SMOC1: variants seen among roughly 807,000 people sequenced by gnomAD.
SMOC1 encodes the protein SPARC-related modular calcium-binding protein 1.
SMOC1 carries 22 observed loss-of-function variants against 56.3 expected under a neutral mutation model. The observed-to-expected ratio is 0.39, with a 90% CI of 0.28 to 0.56. The LOEUF is 0.56. Ranked by LOEUF, SMOC1 falls within the 20% of genes least tolerant of loss-of-function variation. SMOC1 has a pLI of 0.61. For synonymous variants in SMOC1, 193 were observed against 215.0 expected (o/e 0.90, Z 0.89); for missense variants, 509 against 565.4 (o/e 0.90, Z 1.01).
rs1014276330 is a variant in SMOC1 at position 70,011,341 on chromosome 14, T to G, written c.858-144T>G. ...ATTGATGCTAAGATTGCCTTGTAGCTGCCGGGCAGCGCAAGAGATATCGTT... is the reference window on the plus strand; with the variant it reads ...ATTGATGCTAAGATTGCCTTGTAGCGGCCGGGCAGCGCAAGAGATATCGTT... On this transcript the variant is annotated intron_variant, in intron 8 of 11. Coordinates refer to ENST00000361956, the MANE Select transcript of SMOC1 (RefSeq NM_001034852.3). The G allele has an allele frequency of 2.9e-5, 22 of 761,382 alleles. No homozygotes were observed. The African/African-American group carries it at 3.6e-4, about 12-fold the overall frequency. The allele number at this position is 761,382 out of a possible 1,614,324, so 47.2% of individuals were successfully genotyped here.
chr14:70,006,169 G>A (rs1004120078), intron 7 of SMOC1, among the ~76,000 whole-genome samples: 2 of 152,292 alleles, frequency 1.3e-5, no homozygotes, highest in Non-Finnish European at 2.9e-5. Flanking sequence ...TTTTGGGTCC[G>A]CCACTTCCTA....
chr14:70,026,239 T>C lies in SMOC1; in HGVS notation c.1291+2792T>C, dbSNP rs138663821. Among the ~76,000 whole-genome samples the C allele has an allele frequency of 2.4e-4, 37 of 152,316 alleles. No homozygotes were observed. The East Asian group carries it at 6.9e-3, about 29-fold the overall frequency. ...TCGGGAAGAGACCATCCAGTGTCAATGTAGACCCCAGGCATACCAGGGGCA... is the reference window on the plus strand; with the variant it reads ...TCGGGAAGAGACCATCCAGTGTCAACGTAGACCCCAGGCATACCAGGGGCA... On this transcript the variant is annotated intron_variant, in intron 11 of 11. Coordinates refer to ENST00000361956, the MANE Select transcript of SMOC1 (RefSeq NM_001034852.3).
intron 1 of SMOC1, chr14:69,885,664 G>A (rs938353648): frequency 1.5e-5 from 21 of 1,447,780 alleles, no homozygotes; most frequent in South Asian, 3.5e-5. Context: ...GATCCATGTC[G>A]TGTGAAATCA....
At position 69,898,132 on chromosome 14, in the gene SMOC1, G is replaced by C. The variant is rs114888759; in HGVS notation, c.99+18355G>C. The stretch of plus-strand genomic sequence containing the variant: ...TATTCTTCCTTGCATGGTTTCTGAG[G>C]ATAAGTTGGATATAATTCTTATCTT... On this transcript the variant is annotated intron_variant, in intron 1 of 11. Transcript: ENST00000361956. Among the ~76,000 whole-genome samples, 748 of 152,270 alleles carry C rather than the reference G, an allele frequency of 4.9e-3. 7 individuals carry two copies. Among genetic ancestry groups the C allele is most frequent in the African/African-American group, 0.016 (674 of 41,580 alleles).
intron 1 of SMOC1, among the ~76,000 whole-genome samples, chr14:69,898,554 C>A (rs908728332): frequency 1.3e-5 from 2 of 152,034 alleles, no homozygotes; most frequent in African/African-American, 4.8e-5. Flanking sequence ...TTTCCTCTGC[C>A]ATGTCCAGTC....
At chr14:69,989,407 T>C (rs1224849231) in intron 5 of SMOC1, among the ~76,000 whole-genome samples, 1 of 152,262 alleles carries the variant, frequency 6.6e-6, no homozygotes, top group Non-Finnish European at 1.5e-5. Flanking sequence ...TTGTAAGGTT[T>C]ACCTTATTTT....
At chr14:70,009,073 C>T (rs1302070188) in intron 7 of SMOC1, among the ~76,000 whole-genome samples, 2 of 152,230 alleles carry the variant, frequency 1.3e-5, no homozygotes, top group Admixed American at 6.5e-5. Flanking sequence ...CTGTTTTAAA[C>T]TCCTCTTCCT....
At chr14:70,018,874 C>A (rs1885612939) in intron 10 of SMOC1, among the ~76,000 whole-genome samples, 1 of 152,220 alleles carries the variant, frequency 6.6e-6, no homozygotes, top group Non-Finnish European at 1.5e-5. Flanking sequence ...TGGCATTTCC[C>A]AGCCGCACCC....
intron 1 of SMOC1, among the ~76,000 whole-genome samples, chr14:69,931,062 A>T (rs2139391697): frequency 6.6e-6 from 1 of 152,216 alleles, no homozygotes; most frequent in South Asian, 2.1e-4. Flanking sequence ...GCAGCTGAAA[A>T]CATCAGTTTT....
At chr14:70,028,514 G>A (rs190797978) in intron 11 of SMOC1, among the ~76,000 whole-genome samples, 45 of 152,294 alleles carry the variant, frequency 3.0e-4, no homozygotes, top group Admixed American at 1.0e-3. Context: ...AAATAAAGTC[G>A]CTCTGAGGAT....
At chr14:69,925,314 T>G (rs1884981877) in intron 1 of SMOC1, among the ~76,000 whole-genome samples, 1 of 151,666 alleles carries the variant, frequency 6.6e-6, no homozygotes, top group Admixed American at 6.6e-5. Flanking sequence ...AAGATGTGAC[T>G]CTCACATGTG....
At chr14:69,991,029 A>G (rs984548092) in intron 5 of SMOC1, among the ~76,000 whole-genome samples, 8 of 152,176 alleles carry the variant, frequency 5.3e-5, no homozygotes, top group East Asian at 3.9e-4. Flanking sequence ...CCCTCCCCCA[A>G]TAAGATGCAC....
intron 3 of SMOC1, among the ~76,000 whole-genome samples, chr14:69,974,335 G>A (rs1443996991): frequency 6.6e-6 from 1 of 152,102 alleles, no homozygotes; most frequent in Non-Finnish European, 1.5e-5. Flanking sequence ...AGGAGGAGGG[G>A]AATACGAGGG....
In SMOC1 at chr14:69,953,545, A is replaced by G. The variant is rs374343145; in HGVS notation, c.378+13A>G. 1.2e-6 allele frequency: 2 copies of G among 1,607,954 alleles called. No individual in the cohort carries two copies. The highest frequency in any genetic ancestry group is 8.5e-7 in the Non-Finnish European group (1 of 1,174,484). ...CTCCTTTACCCAGGTGAGGCCTCGGACAATCCTCTTGGGCTCTTTCCTGGA... is the reference window on the plus strand; with the variant it reads ...CTCCTTTACCCAGGTGAGGCCTCGGGCAATCCTCTTGGGCTCTTTCCTGGA... On this transcript the variant is annotated intron_variant, in intron 3 of 11. Transcript: ENST00000361956.
chr14:69,992,697 C>A (rs146909851), intron 6 of SMOC1, among the ~76,000 whole-genome samples: 1 of 152,224 alleles, frequency 6.6e-6, no homozygotes, highest in Admixed American at 6.5e-5. Context: ...TTCTCTCAGG[C>A]TTCCTGCCTG....
At position 70,013,448 on chromosome 14, in the gene SMOC1, A is replaced by G. The variant is rs765158814; in HGVS notation, c.1003A>G (p.Met335Val). Residue 335 changes from methionine (M) to valine (V), a missense_variant, in exon 10 of 12, where the codon ATG becomes GTG. By Grantham distance (21) the Met-to-Val change is conservative (BLOSUM62 1). Transcript: ENST00000361956. The part of the protein sequence containing the change: ...TSLLDALTTD[M>V]VQAINSAAPT... ...CCTACTGGATGCTCTCACCACTGAC[A>G]TGGTTCAGGCCATTAACTCAGCAGC... is the stretch of plus-strand genomic sequence containing the variant. The G allele has an allele frequency of 5.0e-6, 8 of 1,614,088 alleles. No individual in the cohort carries two copies. The highest frequency in any genetic ancestry group is 5.9e-6 in the Non-Finnish European group (7 of 1,180,044).
Position 69,932,586 on chromosome 14 carries a change from C to G in SMOC1, c.100-19552C>G, listed in dbSNP as rs191305605. ...ATACAGGTGCAGCCCTCTCCTCCGG[C>G]TCTCAAAGGCCGGATTAGGCACATT... is the stretch of plus-strand genomic sequence containing the variant. On this transcript the variant is annotated intron_variant, in intron 1 of 11. Transcript: ENST00000361956. 3.9e-5 allele frequency among the ~76,000 whole-genome samples: 6 copies of G among 152,352 alleles called. No homozygotes were observed. The East Asian group carries it at 1.2e-3, about 29-fold the overall frequency.
At chr14:69,981,133 G>A (rs975035154) in intron 5 of SMOC1, among the ~76,000 whole-genome samples, 1 of 151,994 alleles carries the variant, frequency 6.6e-6, no homozygotes, top group Non-Finnish European at 1.5e-5. Flanking sequence ...AGAGAGAGAG[G>A]CTGGGTGGTC....
rs754612972 is a variant in SMOC1, at chr14:70,010,957, C to T, written c.857+11C>T. ...TGGGACCTCCACACGGTAAGCCCCC[C>T]AGACTGGGTCCTGGGAAAAACGCAC... On this transcript the variant is annotated intron_variant, in intron 8 of 11. Coordinates refer to ENST00000361956, the MANE Select transcript of SMOC1 (RefSeq NM_001034852.3). 6.2e-7 allele frequency: 1 copy of T among 1,611,928 alleles called. No homozygotes were observed. Among genetic ancestry groups the T allele is most frequent in the East Asian group, 2.2e-5 (1 of 44,870 alleles).
Sources: allele counts gnomAD v4.1 joint callset (sites outside exome capture counted in the v4.1 genomes callset), GRCh38; gene constraint gnomAD v4.1.1; transcripts MANE v1.5; gene names NCBI Gene and HGNC (gene_info 2026-07-23, HGNC 2026-07-21).